Variants in CTNNA2 observed in about 807,000 individuals in gnomAD.
CTNNA2 encodes catenin alpha 2.
In CTNNA2, 42 loss-of-function variants were observed where a neutral mutation model predicts 101.0. That is an observed-to-expected ratio of 0.42 (90% CI 0.32 to 0.54). The LOEUF is 0.54. Among genes scored for constraint, CTNNA2 ranks in the 20% least tolerant of loss-of-function variants. The pLI, the probability that CTNNA2 is intolerant of heterozygous loss-of-function variation, is 0.14. For missense variants in CTNNA2, 871 were observed against 1,223.1 expected (o/e 0.71, Z 4.29); for synonymous variants, 450 against 456.4 (o/e 0.99, Z 0.18).
chr2:80,539,576 T>G (rs1037277197), intron 9 of CTNNA2, among the ~76,000 whole-genome samples: 1 of 152,174 alleles, frequency 6.6e-6, no homozygotes, highest in Non-Finnish European at 1.5e-5. Flanking sequence ...CTAAAGTTTT[T>G]GGGGTCAGCA....
chr2:79,610,937 A>T (rs746826246), intron 1 of CTNNA2, among the ~76,000 whole-genome samples: 1 of 152,200 alleles, frequency 6.6e-6, no homozygotes, highest in Non-Finnish European at 1.5e-5. Context: ...ACACTAGCAC[A>T]CAAAACAATG....
intron 4 of CTNNA2, among the ~76,000 whole-genome samples, chr2:79,440,733 C>T (rs748359807): frequency 2.1e-4 from 32 of 152,168 alleles, no homozygotes; most frequent in Non-Finnish European, 2.9e-5. Context: ...GAATGTGCTC[C>T]CCTGAATCTC....
intron 2 of CTNNA2, among the ~76,000 whole-genome samples, chr2:79,715,596 CA>C (rs1208409580): frequency 6.6e-6 from 1 of 152,158 alleles, no homozygotes; most frequent in African/African-American, 2.4e-5. Context: ...GCAGAAACAG[CA>C]AATGACTTCA....
chr2:79,327,417 T>C (rs545220076), intron 3 of CTNNA2, among the ~76,000 whole-genome samples: 3 of 152,326 alleles, frequency 2.0e-5, no homozygotes, highest in East Asian at 3.9e-4. Flanking sequence ...CAATTCATAT[T>C]TGCTCAGGAA....
chr2:79,525,539 G>A (rs1444911406), intron 1 of CTNNA2, among the ~76,000 whole-genome samples: 1 of 151,768 alleles, frequency 6.6e-6, no homozygotes, highest in African/African-American at 2.4e-5. Context: ...CTCCATTAAA[G>A]GTAATGGCAA....
chr2:79,620,928 G>T (rs1323249836), intron 1 of CTNNA2, among the ~76,000 whole-genome samples: 1 of 152,138 alleles, frequency 6.6e-6, no homozygotes, highest in Non-Finnish European at 1.5e-5. Flanking sequence ...GCAGCAAGCA[G>T]GTCAGTTGAT....
rs1358427063 is a variant in CTNNA2 at position 79,744,472 on chromosome 2, C to G, written c.188C>G (p.Ser63Cys). ...AAGAAAGCCCATGTACTAGCTGCCT[C>G]TGTAGAGCAAGCCACTCAGAATTTC... The part of the protein sequence containing the change: ...RSKKAHVLAA[S>C]VEQATQNFLE... The change falls in exon 3 of 19, where the codon TCT (serine) becomes TGT (cysteine). Residue 63 changes from serine to cysteine, a missense_variant. Ser to Cys is a moderately radical substitution (Grantham distance 112). Transcript: ENST00000402739. 1.2e-6 allele frequency: 2 copies of G among 1,614,010 alleles called. No homozygotes were observed. Among genetic ancestry groups the G allele is most frequent in the Non-Finnish European group, 1.7e-6 (2 of 1,180,028 alleles).
chr2:79,828,977 A>G (rs906679905), intron 3 of CTNNA2, among the ~76,000 whole-genome samples: 1 of 152,152 alleles, frequency 6.6e-6, no homozygotes, highest in Non-Finnish European at 1.5e-5. Flanking sequence ...AGAAACCTCA[A>G]TCTTAGTTGA....
chr2:79,736,253 C>T (rs899496677), intron 2 of CTNNA2, among the ~76,000 whole-genome samples: 45 of 152,224 alleles, frequency 3.0e-4, no homozygotes, highest in African/African-American at 1.0e-3. Flanking sequence ...GAAATAACTT[C>T]TAATAGAGTA....
intron 7 of CTNNA2, among the ~76,000 whole-genome samples, chr2:80,002,663 C>G (rs1693032105): frequency 6.6e-6 from 1 of 152,096 alleles, no homozygotes; most frequent in Non-Finnish European, 1.5e-5. Flanking sequence ...AACCTAAGTT[C>G]TTGCCCAGTG....
intron 4 of CTNNA2, among the ~76,000 whole-genome samples, chr2:79,464,179 G>C (rs1042094851): frequency 6.6e-6 from 1 of 152,008 alleles, no homozygotes; most frequent in African/African-American, 2.4e-5. Context: ...TCCCCACCCT[G>C]TGTCCAAGTA....
At chr2:80,175,231 TA>T (rs1390341481) in intron 7 of CTNNA2, among the ~76,000 whole-genome samples, 3 of 152,174 alleles carry the variant, frequency 2.0e-5, no homozygotes, top group Admixed American at 6.6e-5. Context: ...CTGATCACTC[TA>T]TCCAGCTCAA....
intron 9 of CTNNA2, among the ~76,000 whole-genome samples, chr2:80,436,427 C>G (rs1429339737): frequency 6.8e-6 from 1 of 146,620 alleles, no homozygotes; most frequent in African/African-American, 2.5e-5. Context: ...AGAATATCTT[C>G]TCATGAGATG....
intron 7 of CTNNA2, among the ~76,000 whole-genome samples, chr2:79,974,252 A>G (rs1056787554): frequency 2.0e-5 from 3 of 152,174 alleles, no homozygotes; most frequent in South Asian, 2.1e-4. Flanking sequence ...TGTAGAGATA[A>G]TATATGAGAA....
intron 1 of CTNNA2, 139 bp from the exon 2 acceptor site, chr2:79,651,413 C>G (rs1415618513): frequency 4.0e-6 from 3 of 756,966 alleles, no homozygotes; most frequent in Non-Finnish European, 6.5e-6. Context: ...GTTTTTCCAT[C>G]TCTAATTTGA....
intron 1 of CTNNA2, among the ~76,000 whole-genome samples, chr2:79,618,947 T>C (rs1238551676): frequency 6.6e-6 from 1 of 152,210 alleles, no homozygotes; most frequent in East Asian, 1.9e-4. Flanking sequence ...GGCTCACGCC[T>C]GTAATCCCAG....
intron 7 of CTNNA2, among the ~76,000 whole-genome samples, chr2:80,156,253 C>T (rs771485928): frequency 3.3e-5 from 5 of 152,174 alleles, no homozygotes; most frequent in Non-Finnish European, 2.9e-5. Flanking sequence ...GAATCCCATC[C>T]GCTACACACT....
At chr2:79,658,058 G>T (rs1408897010) in intron 2 of CTNNA2, among the ~76,000 whole-genome samples, 1 of 151,868 alleles carries the variant, frequency 6.6e-6, no homozygotes, top group Non-Finnish European at 1.5e-5. Context: ...TATTCAAAGG[G>T]AAAGAATTCA....
intron 7 of CTNNA2, among the ~76,000 whole-genome samples, chr2:80,090,981 A>G (rs1482274285): frequency 6.6e-6 from 1 of 152,118 alleles, no homozygotes; most frequent in East Asian, 1.9e-4. Flanking sequence ...AAAGTACTAT[A>G]TTGCTTTGTT....
Sources: gnomAD v4.1 joint callset for allele counts (sites outside exome capture counted in the v4.1 genomes callset) on GRCh38, gnomAD v4.1.1 for gene constraint, MANE v1.5 for transcripts, NCBI Gene and HGNC (gene_info 2026-07-23, HGNC 2026-07-21) for gene names.